The following EDIL3 variants were observed in gnomAD, a reference collection of about 807,000 sequenced individuals.
The protein encoded by EDIL3 is EGF like and discoidin domains 3, also known as EGF-like repeat and discoidin I-like domain-containing protein 3.
Under a neutral mutation model 67.4 loss-of-function variants are expected in EDIL3, and 37 were observed. The ratio of observed to expected loss-of-function variants is 0.55; its 90% CI spans 0.42 to 0.72. The LOEUF is 0.72. EDIL3 is among the 30% of genes least tolerant of loss of function. The pLI is 0.00. For synonymous variants in EDIL3, 195 were observed against 196.3 expected (o/e 0.99, Z 0.05); for missense variants, 527 against 586.3 (o/e 0.90, Z 1.04).
intron 4 of EDIL3, among the ~76,000 whole-genome samples, chr5:84,146,104 AC>A (rs1748286542): frequency 6.6e-6 from 1 of 152,146 alleles, no homozygotes; most frequent in Non-Finnish European, 1.5e-5. Context: ...GTATAGCCAA[AC>A]AGCACTACAG....
intron 1 of EDIL3, among the ~76,000 whole-genome samples, chr5:84,292,611 T>G (rs1745945801): frequency 6.6e-6 from 1 of 152,190 alleles, no homozygotes; most frequent in African/African-American, 2.4e-5. Flanking sequence ...ATGCTATAAT[T>G]ATATCCTATT....
intron 1 of EDIL3, among the ~76,000 whole-genome samples, chr5:84,294,475 A>G (rs1040842438): frequency 5.3e-5 from 8 of 151,806 alleles, no homozygotes; most frequent in African/African-American, 1.9e-4. Context: ...CTAGACAAAT[A>G]TTCATAAGAA....
intron 1 of EDIL3, among the ~76,000 whole-genome samples, chr5:84,315,709 T>A (rs544734072): frequency 6.6e-6 from 1 of 152,248 alleles, no homozygotes; most frequent in South Asian, 2.1e-4. Context: ...CAGAAGAATT[T>A]CCCCAACCTA....
intron 4 of EDIL3, among the ~76,000 whole-genome samples, chr5:84,157,511 G>A (rs32590): frequency 0.67 from 101,164 of 151,882 alleles, 34,588 homozygotes; most frequent in East Asian, 0.89. Flanking sequence ...GTATGTATTT[G>A]CCTATGGATG....
At chr5:84,296,295 T>A (rs942751273) in intron 1 of EDIL3, among the ~76,000 whole-genome samples, 4 of 152,202 alleles carry the variant, frequency 2.6e-5, no homozygotes, top group Admixed American at 2.6e-4. Context: ...GTAGGTGCCT[T>A]ATTACTGTTG....
intron 5 of EDIL3, among the ~76,000 whole-genome samples, chr5:84,113,738 G>A (rs1239306957): frequency 6.6e-6 from 1 of 152,150 alleles, no homozygotes; most frequent in Admixed American, 6.5e-5. Context: ...ATCCGCAACA[G>A]GAATGTACTG....
chr5:84,037,985 C>CTTTTTTTTT (rs1580292622), intron 9 of EDIL3, among the ~76,000 whole-genome samples: 3 of 99,648 alleles, frequency 3.0e-5, no homozygotes, highest in African/African-American at 1.1e-4. Flanking sequence ...TTCTTTCTTT[C>CTTTTTTTTT]TTGTTTTTTT....
chr5:84,118,030 T>C (rs1003473093), intron 5 of EDIL3, among the ~76,000 whole-genome samples: 4 of 152,188 alleles, frequency 2.6e-5, no homozygotes, highest in African/African-American at 7.2e-5. Flanking sequence ...AATAGTCTTA[T>C]GGATACAGCA....
intron 9 of EDIL3, among the ~76,000 whole-genome samples, chr5:83,985,762 C>G (rs988002678): frequency 7.3e-5 from 11 of 151,170 alleles, no homozygotes; most frequent in African/African-American, 9.7e-5. Context: ...ATATAATTAC[C>G]TATATATAAT....
At chr5:84,160,739 T>C (rs560741887) in intron 4 of EDIL3, among the ~76,000 whole-genome samples, 8 of 120,538 alleles carry the variant, frequency 6.6e-5, no homozygotes, top group African/African-American at 2.3e-4. Flanking sequence ...TTTTTTCTTT[T>C]CTTTTCTTTC....
intron 3 of EDIL3, 100 bp downstream of exon 3, chr5:84,229,755 T>C (rs1744528886): frequency 1.6e-6 from 2 of 1,268,246 alleles, no homozygotes; most frequent in Non-Finnish European, 2.2e-6. Flanking sequence ...GTGCCAATTT[T>C]CTGGTTGAAA....
intron 9 of EDIL3, among the ~76,000 whole-genome samples, chr5:84,040,988 A>G (rs1363482675): frequency 1.3e-5 from 2 of 152,016 alleles, no homozygotes; most frequent in Non-Finnish European, 1.5e-5. Context: ...AAAATTAGCC[A>G]ACCTTGGTGG....
Position 84,331,228 on chromosome 5 carries a change from G to A in EDIL3, c.67+53080C>T, listed in dbSNP as rs965497439. On this transcript the variant is annotated intron_variant, in intron 1 of 10. Transcript: ENST00000296591. ...GGACATGGACTTTTGAGTTAATGAT[G>A]GAATAAGTTAAGACTTTGGGAGACT... Among the ~76,000 whole-genome samples the A allele has an allele frequency of 3.9e-5, 6 of 152,144 alleles. No homozygotes were observed. The South Asian group carries it at 1.2e-3, about 31-fold the overall frequency.
chr5:84,239,523 C>T (rs1046409438), intron 2 of EDIL3, among the ~76,000 whole-genome samples: 1 of 151,984 alleles, frequency 6.6e-6, no homozygotes, highest in East Asian at 1.9e-4. Context: ...TGTGCCAGCA[C>T]ATGTATGTTT....
intron 1 of EDIL3, among the ~76,000 whole-genome samples, chr5:84,353,788 T>C (rs1398975480): frequency 6.6e-6 from 1 of 152,192 alleles, no homozygotes; most frequent in Non-Finnish European, 1.5e-5. Flanking sequence ...CTTAATTCTT[T>C]GTCATTTTTA....
intron 2 of EDIL3, among the ~76,000 whole-genome samples, chr5:84,234,641 T>C (rs1744644872): frequency 6.6e-6 from 1 of 152,182 alleles, no homozygotes; most frequent in Non-Finnish European, 1.5e-5. Context: ...ACACCCAGTG[T>C]GGCTTACCAT....
chr5:84,219,991 G>T (rs1304292058), intron 3 of EDIL3, among the ~76,000 whole-genome samples: 1 of 152,060 alleles, frequency 6.6e-6, no homozygotes, highest in Non-Finnish European at 1.5e-5. Flanking sequence ...GAGTGGGGAT[G>T]GTTAATGAGC....
intron 10 of EDIL3, among the ~76,000 whole-genome samples, chr5:83,948,895 C>T (rs1744359898): frequency 6.6e-6 from 1 of 151,806 alleles, no homozygotes; most frequent in Non-Finnish European, 1.5e-5. Flanking sequence ...TCTCTGCAAT[C>T]AATTCCACTA....
At chr5:84,073,131 T>C (rs375238355) in intron 6 of EDIL3, among the ~76,000 whole-genome samples, 6 of 152,244 alleles carry the variant, frequency 3.9e-5, no homozygotes, top group African/African-American at 1.4e-4. Flanking sequence ...AAAAGGCCTT[T>C]GACAAAATTC....
Sources: gnomAD v4.1 joint callset for allele counts (sites outside exome capture counted in the v4.1 genomes callset) on GRCh38, gnomAD v4.1.1 for gene constraint, MANE v1.5 for transcripts, NCBI Gene and HGNC (gene_info 2026-07-23, HGNC 2026-07-21) for gene names.